The following SNTG1 variants were observed in gnomAD, a reference collection of about 807,000 sequenced individuals.
SNTG1 encodes the protein gamma-1-syntrophin.
Under a neutral mutation model 74.7 loss-of-function variants are expected in SNTG1, and 39 were observed. The observed-to-expected ratio is 0.52, with a 90% CI of 0.40 to 0.68. The LOEUF (loss-of-function observed/expected upper bound fraction) is 0.68. SNTG1 is among the 30% of genes least tolerant of loss of function. SNTG1 has a pLI of 0.00. For synonymous variants in SNTG1, 254 were observed against 217.1 expected (o/e 1.17, Z -1.49); for missense variants, 685 against 609.5 (o/e 1.12, Z -1.30).
intron 4 of SNTG1, among the ~76,000 whole-genome samples, chr8:50,411,172 G>T (rs193215096): frequency 6.6e-6 from 1 of 152,088 alleles, no homozygotes; most frequent in South Asian, 2.1e-4. Context: ...AGGAAGGCCG[G>T]GTGCGGTGGC....
chr8:50,538,350 A>G (rs2094322201), intron 11 of SNTG1, among the ~76,000 whole-genome samples: 1 of 152,150 alleles, frequency 6.6e-6, no homozygotes, highest in Non-Finnish European at 1.5e-5. Context: ...ATACCCATCA[A>G]TGATCTTTCT....
At chr8:50,323,335 T>C (rs1448778073) in intron 2 of SNTG1, among the ~76,000 whole-genome samples, 1 of 152,162 alleles carries the variant, frequency 6.6e-6, no homozygotes, top group Non-Finnish European at 1.5e-5. Context: ...TTCTCCAGGA[T>C]TGCTCCCTGG....
chr8:50,425,644 A>C (rs951208953), intron 4 of SNTG1, among the ~76,000 whole-genome samples: 2 of 152,210 alleles, frequency 1.3e-5, no homozygotes, highest in Admixed American at 1.3e-4. Context: ...TGGTCTGTGG[A>C]AAAATCGTTT....
At chr8:50,031,779 G>A (rs781486401) in intron 1 of SNTG1, among the ~76,000 whole-genome samples, 7 of 151,934 alleles carry the variant, frequency 4.6e-5, no homozygotes, top group East Asian at 1.9e-4. Flanking sequence ...AATATTGTCC[G>A]AAGTTTGTAT....
intron 18 of SNTG1, among the ~76,000 whole-genome samples, chr8:50,756,517 G>T (rs1299719727): frequency 6.6e-6 from 1 of 151,578 alleles, no homozygotes; most frequent in Non-Finnish European, 1.5e-5. Flanking sequence ...ATCATTTGTT[G>T]AACAGGCTAT....
intron 1 of SNTG1, among the ~76,000 whole-genome samples, chr8:49,920,557 A>AAACAAC (rs373704356): frequency 6.6e-6 from 1 of 151,908 alleles, no homozygotes; most frequent in African/African-American, 2.4e-5. Flanking sequence ...AAAAACAAAT[A>AAACAAC]AACAACAACA....
At chr8:50,396,291 A>C (rs1227384503) in intron 3 of SNTG1, among the ~76,000 whole-genome samples, 1 of 152,324 alleles carries the variant, frequency 6.6e-6, no homozygotes, top group East Asian at 1.9e-4. Flanking sequence ...GCCAAAAGAC[A>C]ATAGTGATCA....
chr8:50,123,192 C>G (rs1464434742), intron 1 of SNTG1, among the ~76,000 whole-genome samples: 1 of 142,888 alleles, frequency 7.0e-6, no homozygotes, highest in East Asian at 2.0e-4. Flanking sequence ...TGAAGCATTG[C>G]AGAATGTACA....
At chr8:50,550,497 C>A (rs1005638308) in intron 11 of SNTG1, among the ~76,000 whole-genome samples, 14 of 152,108 alleles carry the variant, frequency 9.2e-5, no homozygotes, top group Non-Finnish European at 1.6e-4. Context: ...GTATATTTTT[C>A]ATTCAAGGAA....
intron 2 of SNTG1, among the ~76,000 whole-genome samples, chr8:50,387,215 T>G (rs1284959167): frequency 6.6e-6 from 1 of 152,138 alleles, no homozygotes; most frequent in African/African-American, 2.4e-5. Context: ...ATCCAATTAC[T>G]GCCATTGCAT....
intron 2 of SNTG1, among the ~76,000 whole-genome samples, chr8:50,335,227 G>T (rs938585367): frequency 6.6e-6 from 1 of 151,994 alleles, no homozygotes; most frequent in African/African-American, 2.4e-5. Flanking sequence ...GTTTCATATT[G>T]CAGTCATAAC....
chr8:50,598,370 T>A (rs1476300797), intron 13 of SNTG1, among the ~76,000 whole-genome samples: 1 of 151,992 alleles, frequency 6.6e-6, no homozygotes, highest in African/African-American at 2.4e-5. Context: ...ATATGTGTTC[T>A]TGACACTTTT....
chr8:50,469,038 G>C (rs74587062), intron 8 of SNTG1, among the ~76,000 whole-genome samples: 7,699 of 152,176 alleles, frequency 0.051, 259 homozygotes, highest in Middle Eastern at 0.092. Flanking sequence ...ACAAGAATGA[G>C]AAAAGCAAGA....
intron 2 of SNTG1, among the ~76,000 whole-genome samples, chr8:50,291,874 T>C (rs1399352469): frequency 2.6e-5 from 4 of 152,106 alleles, no homozygotes; most frequent in Non-Finnish European, 1.5e-5. Flanking sequence ...ATGGATCTGA[T>C]CTATGTGAGA....
intron 18 of SNTG1, among the ~76,000 whole-genome samples, chr8:50,760,656 A>G (rs1013543308): frequency 6.6e-6 from 1 of 152,026 alleles, no homozygotes; most frequent in Non-Finnish European, 1.5e-5. Flanking sequence ...AAGAGAGAAG[A>G]ATCAAATAGA....
intron 2 of SNTG1, among the ~76,000 whole-genome samples, chr8:50,327,992 C>A (rs2090819766): frequency 6.6e-6 from 1 of 152,064 alleles, no homozygotes; most frequent in South Asian, 2.1e-4. Context: ...TGTTGTCATT[C>A]ATTTCACTTA....
chr8:50,045,215 G>T (rs1318988067), intron 1 of SNTG1, among the ~76,000 whole-genome samples: 1 of 152,122 alleles, frequency 6.6e-6, no homozygotes, highest in African/African-American at 2.4e-5. Flanking sequence ...ACTTGTGGCT[G>T]GGTAATATAT....
chr8:50,507,081 G>A (rs2094013152), intron 9 of SNTG1, among the ~76,000 whole-genome samples: 1 of 151,894 alleles, frequency 6.6e-6, no homozygotes, highest in South Asian at 2.1e-4. Context: ...AGGTGTCTAT[G>A]TGGGATTTTT....
intron 5 of SNTG1, among the ~76,000 whole-genome samples, chr8:50,448,416 A>G (rs1196585167): frequency 6.6e-6 from 1 of 152,198 alleles, no homozygotes; most frequent in African/African-American, 2.4e-5. Context: ...CAAGGGAAAA[A>G]AGAATATCTC....
Sources: allele counts gnomAD v4.1 joint callset (sites outside exome capture counted in the v4.1 genomes callset), GRCh38; gene constraint gnomAD v4.1.1; transcripts MANE v1.5; gene names NCBI Gene and HGNC (gene_info 2026-07-23, HGNC 2026-07-21).